The following CMIP variants were observed in gnomAD, a reference collection of about 807,000 sequenced individuals.
The protein encoded by CMIP is c-Maf inducing protein.
CMIP carries 13 observed loss-of-function variants against 97.3 expected under a neutral mutation model. The ratio of observed to expected loss-of-function variants is 0.13; its 90% CI spans 0.09 to 0.21. The LOEUF (loss-of-function observed/expected upper bound fraction) is 0.21. Ranked by LOEUF, CMIP falls within the 10% of genes least tolerant of loss-of-function variation. CMIP has a pLI of 1.00. For missense variants in CMIP, 847 were observed against 1,024.9 expected (o/e 0.83, Z 2.37); for synonymous variants, 538 against 436.3 (o/e 1.23, Z -2.91).
At chr16:81,572,529 C>G (rs1360997114) in intron 1 of CMIP, among the ~76,000 whole-genome samples, 1 of 152,264 alleles carries the variant, frequency 6.6e-6, no homozygotes, top group East Asian at 1.9e-4. Context: ...TGTGCTTGCT[C>G]TGTTAGTTCT....
At chr16:81,634,730 C>G (rs1231254421) in intron 3 of CMIP, among the ~76,000 whole-genome samples, 1 of 152,178 alleles carries the variant, frequency 6.6e-6, no homozygotes, top group African/African-American at 2.4e-5. Flanking sequence ...GAACAGGATC[C>G]TTCTCCAGGA....
intron 1 of CMIP, among the ~76,000 whole-genome samples, chr16:81,490,485 C>G (rs888020947): frequency 6.6e-6 from 1 of 152,048 alleles, no homozygotes; most frequent in African/African-American, 2.4e-5. Context: ...CTGAGTGTGG[C>G]GGTGTGTGCC....
intron 3 of CMIP, among the ~76,000 whole-genome samples, chr16:81,641,486 TGAAGAGCCAGGTA>T (rs2092306487): frequency 6.6e-6 from 1 of 152,118 alleles, no homozygotes; most frequent in South Asian, 2.1e-4. Flanking sequence ...GCAGCTGGCC[TGAAGAGCCAGGTA>T]GGATGTGGTA....
At position 81,711,176 on chromosome 16, in the gene CMIP, G is replaced by A. The variant is rs1228423378; in HGVS notation, c.*1377G>A. On this transcript the variant is annotated 3_prime_UTR_variant, in exon 21 of 21. Transcript: ENST00000537098. ...AGAACAGCCCGTTGATGGTTTATTT[G>A]GGGTCCCCCTCTCCCCCCAGCCCTT... The A allele has an allele frequency of 6.6e-6, 1 of 152,200 alleles. No individual in the cohort carries two copies. Among genetic ancestry groups the A allele is most frequent in the Admixed American group, 6.6e-5 (1 of 15,232 alleles). 9.4% of individuals were successfully genotyped at this position (152,200 alleles called of 1,614,324 possible). A position where few individuals can be genotyped will look rare whatever the true frequency, so the allele number is the denominator to read the frequency against.
At chr16:81,475,684 G>T (rs1000542900) in intron 1 of CMIP, among the ~76,000 whole-genome samples, 1 of 152,108 alleles carries the variant, frequency 6.6e-6, no homozygotes, top group Non-Finnish European at 1.5e-5. Context: ...ACGGTCTGAT[G>T]GTTAAGATAA....
intron 1 of CMIP, among the ~76,000 whole-genome samples, chr16:81,577,726 A>G (rs1283009740): frequency 6.6e-6 from 1 of 150,592 alleles, no homozygotes; most frequent in Non-Finnish European, 1.5e-5. Flanking sequence ...CATCACCTTC[A>G]TCATCACCGT....
rs560034967 is a variant in CMIP, at chr16:81,566,486, G to A, written c.301-41081G>A. ...CATGGAGCTGGAGCCACGCACAACTGGATTTTGGTACCACAGCTTTGCTGT... is the reference window on the plus strand; with the variant it reads ...CATGGAGCTGGAGCCACGCACAACTAGATTTTGGTACCACAGCTTTGCTGT... On this transcript the variant is annotated intron_variant, in intron 1 of 20. Transcript: ENST00000537098. Among the ~76,000 whole-genome samples the A allele has an allele frequency of 4.6e-5, 7 of 152,288 alleles. No individual in the cohort carries two copies. In the South Asian group the frequency reaches 1.4e-3, roughly 32 times the overall value.
At chr16:81,480,368 C>T (rs1448508715) in intron 1 of CMIP, among the ~76,000 whole-genome samples, 1 of 152,090 alleles carries the variant, frequency 6.6e-6, no homozygotes, top group Non-Finnish European at 1.5e-5. Flanking sequence ...GGTGAAACCC[C>T]ATCTCTACTA....
At chr16:81,530,435 T>TTA (rs1344365713) in intron 1 of CMIP, among the ~76,000 whole-genome samples, 1 of 151,988 alleles carries the variant, frequency 6.6e-6, no homozygotes, top group African/African-American at 2.4e-5. Flanking sequence ...AACCTGTACT[T>TTA]TTCTAAAGTC....
At chr16:81,449,608 C>G (rs534787326) in intron 1 of CMIP, among the ~76,000 whole-genome samples, 6 of 151,986 alleles carry the variant, frequency 3.9e-5, no homozygotes, top group Non-Finnish European at 7.4e-5. Context: ...CCCTTCCCCC[C>G]ATGTGCCTAG....
At chr16:81,488,975 AT>A (rs59981484) in intron 1 of CMIP, among the ~76,000 whole-genome samples, 5 of 148,516 alleles carry the variant, frequency 3.4e-5, no homozygotes, top group Admixed American at 1.3e-4. Context: ...TCTTTCATTC[AT>A]TTTTTTTTTC....
intron 1 of CMIP, among the ~76,000 whole-genome samples, chr16:81,489,415 T>C (rs1318080386): frequency 2.6e-5 from 4 of 152,222 alleles, no homozygotes; most frequent in South Asian, 2.1e-4. Flanking sequence ...TACTTTTTTC[T>C]CCTCGGTAGT....
intron 3 of CMIP, among the ~76,000 whole-genome samples, chr16:81,637,217 C>T (rs13333153): frequency 0.02 from 2,991 of 152,176 alleles, 98 homozygotes; most frequent in African/African-American, 0.068. Flanking sequence ...ATTACAGGTG[C>T]GTGCCACCAT....
chr16:81,607,493 AC>A, intron 1 of CMIP, 73 bp from the exon 2 acceptor site: 1 of 1,574,024 alleles, frequency 6.4e-7, no homozygotes, highest in Non-Finnish European at 8.6e-7. Context: ...TGTTTCCAAA[AC>A]CGTCTGAGAT....
intron 2 of CMIP, among the ~76,000 whole-genome samples, chr16:81,608,427 A>T (rs2091779142): frequency 6.6e-6 from 1 of 152,176 alleles, no homozygotes; most frequent in Non-Finnish European, 1.5e-5. Context: ...GGTAGGAAAG[A>T]TGACCCACCT....
At chr16:81,569,311 C>G (rs138994101) in intron 1 of CMIP, among the ~76,000 whole-genome samples, 1 of 152,190 alleles carries the variant, frequency 6.6e-6, no homozygotes, top group Non-Finnish European at 1.5e-5. Flanking sequence ...AAAACTGAGG[C>G]GCAGAATGAT....
chr16:81,678,622 A>T lies in CMIP; in HGVS notation c.1382A>T (p.Lys461Met). The T allele has an allele frequency of 6.5e-7, 1 of 1,537,626 alleles. No individual in the cohort carries two copies. Among genetic ancestry groups the T allele is most frequent in the Non-Finnish European group, 8.9e-7 (1 of 1,121,090 alleles). Residue 461 changes from lysine to methionine, a missense_variant, in exon 10 of 21, where the codon AAG becomes ATG. Lys to Met is a moderately conservative substitution (Grantham distance 95). Around this residue, in one of 4 missense-constraint regions of CMIP, gnomAD observed 202 missense variants for 168.7 expected, o/e 1.20. Transcript: ENST00000537098. ...RTLGCYVEIL[K>M]LLSDYDDWRP... ...CTCGGCTGCTACGTGGAAATCCTCA[A>T]GCTGCTGTGAGTGCCCCCCCCGCGT...
chr16:81,457,884 A>C (rs1906657618), intron 1 of CMIP, among the ~76,000 whole-genome samples: 1 of 152,200 alleles, frequency 6.6e-6, no homozygotes, highest in African/African-American at 2.4e-5. Flanking sequence ...GGCCCCCAGA[A>C]GGAAATCCCA....
intron 1 of CMIP, among the ~76,000 whole-genome samples, chr16:81,605,674 C>T (rs891528068): frequency 3.9e-5 from 6 of 152,200 alleles, no homozygotes; most frequent in African/African-American, 1.4e-4. Flanking sequence ...TTTGCACTGG[C>T]CGTGGGGTCT....
Sources: allele counts gnomAD v4.1 joint callset (sites outside exome capture counted in the v4.1 genomes callset), GRCh38; gene constraint gnomAD v4.1.1; regional missense constraint gnomAD v4.1.1; transcripts MANE v1.5; gene names NCBI Gene and HGNC (gene_info 2026-07-23, HGNC 2026-07-21).